PLEKHS1: variants seen among roughly 807,000 people sequenced by gnomAD.
PLEKHS1 encodes the protein pleckstrin homology domain-containing family S member 1.
PLEKHS1 carries 55 observed loss-of-function variants against 51.0 expected under a neutral mutation model. That is an observed-to-expected ratio of 1.08 (90% CI 0.87 to 1.35). The LOEUF (loss-of-function observed/expected upper bound fraction) is 1.35, where lower values mean the gene tolerates loss of function less well. Ranked by LOEUF, PLEKHS1 falls within the 40% of genes most tolerant of loss-of-function variation. The pLI is 0.00. For missense variants in PLEKHS1, 398 were observed against 423.0 expected (o/e 0.94, Z 0.52); for synonymous variants, 153 against 144.8 (o/e 1.06, Z -0.41).
chr10:113,764,826 T>TA (rs1039129382), intron 2 of PLEKHS1: 1 of 152,538 alleles, frequency 6.6e-6, no homozygotes, highest in Non-Finnish European at 1.5e-5. Flanking sequence ...GCCATGCCTT[T>TA]AAGTGCACTA....
exon 11 of PLEKHS1, chr10:113,775,802 G>C (rs34024791): frequency 6.2e-7 from 1 of 1,612,780 alleles, no homozygotes; most frequent in Non-Finnish European, 8.5e-7. Context: ...GAAACTGAAC[G>C]TTTTCCTTTC....
chr10:113,773,690 TTAGG>T (rs1295243512), intron 8 of PLEKHS1, among the ~76,000 whole-genome samples: 1 of 152,176 alleles, frequency 6.6e-6, no homozygotes, highest in Non-Finnish European at 1.5e-5. Context: ...AACGGTGAAC[TTAGG>T]TAGGCCTTAG....
chr10:113,780,605 T>A, exon 12 of PLEKHS1: 1 of 1,613,014 alleles, frequency 6.2e-7, no homozygotes, highest in Non-Finnish European at 8.5e-7. Context: ...GTTTTAGAAA[T>A]TAAAGCTTAC....
chr10:113,762,365 C>CTTTTTTTTTTTTTTTTTTTTTTTTT lies in PLEKHS1; in HGVS notation c.29-4025_29-4024insTTTTTTTTTTTTTTTTTTTTTTTTT, dbSNP rs34457408. ...TCCTCTATTGACTTTAGATTTGTTC[C>CTTTTTTTTTTTTTTTTTTTTTTTTT]TTTTTTTTTTTTTTTTTTTTTCAGT... On this transcript the variant is annotated intron_variant, in intron 2 of 11. Coordinates refer to ENST00000361048, the Ensembl canonical transcript of PLEKHS1. Among the ~76,000 whole-genome samples, 39 of 61,788 alleles carry CTTTTTTTTTTTTTTTTTTTTTTTTT rather than the reference C, an allele frequency of 6.3e-4. 1 individual carries two copies. The highest frequency in any genetic ancestry group is 1.0e-3 in the East Asian group (2 of 1,982). 40.5% of individuals were successfully genotyped at this position (61,788 alleles called of 152,430 possible).
At chr10:113,774,796 T>G (rs1844570192) in intron 9 of PLEKHS1, 30 bp from the exon 10 acceptor site, 1 of 1,585,142 alleles carries the variant, frequency 6.3e-7, no homozygotes, top group African/African-American at 1.3e-5. Flanking sequence ...CATGCTAAAA[T>G]AGGGCTTGTT....
At chr10:113,777,407 C>T in intron 11 of PLEKHS1, 148 bp downstream of exon 12, 1 of 1,610,282 alleles carries the variant, frequency 6.2e-7, no homozygotes, top group Non-Finnish European at 8.5e-7. Context: ...AATGTGCTTT[C>T]AGGACTCTTT....
intron 6 of PLEKHS1, among the ~76,000 whole-genome samples, chr10:113,769,124 A>C (rs1211321576): frequency 1.3e-5 from 2 of 152,226 alleles, no homozygotes; most frequent in African/African-American, 4.8e-5. Flanking sequence ...TGTTAGAGGG[A>C]AGAAAAGTTA....
intron 2 of PLEKHS1, among the ~76,000 whole-genome samples, chr10:113,755,995 A>T (rs191514511): frequency 6.6e-6 from 1 of 152,224 alleles, no homozygotes; most frequent in Non-Finnish European, 1.5e-5. Context: ...GGGTAGCTCA[A>T]TGTATGGTAT....
chr10:113,755,559 C>T (rs1854071437), intron 2 of PLEKHS1, among the ~76,000 whole-genome samples: 1 of 152,210 alleles, frequency 6.6e-6, no homozygotes, highest in African/African-American at 2.4e-5. Flanking sequence ...CATATGCCAC[C>T]ATGCCTGCCT....
At chr10:113,767,290 A>G (rs1844205383) in intron 4 of PLEKHS1, 55 bp from the exon 5 acceptor site, 1 of 1,280,214 alleles carries the variant, frequency 7.8e-7, no homozygotes, top group Admixed American at 2.7e-5. Flanking sequence ...ATAAAATATT[A>G]GTTTTCTATT....
rs201994714 is a variant in PLEKHS1, at chr10:113,766,628, G to A, written c.134G>A (p.Arg45Gln). Residue 45 changes from arginine (R) to glutamine (Q), a missense_variant, in exon 4 of 12, where the codon CGG becomes CAG. Arg to Gln is a conservative substitution (Grantham distance 43). Transcript: ENST00000361048. ...ATTTTTCAGACCTCTTGGAAAAAGCGGTTTTTCATCCTGTCAAAGGCTGGG... is the reference window on the plus strand; with the variant it reads ...ATTTTTCAGACCTCTTGGAAAAAGCAGTTTTTCATCCTGTCAAAGGCTGGG... 1.6e-5 allele frequency: 26 copies of A among 1,608,868 alleles called. No homozygotes were observed. Among genetic ancestry groups the A allele is most frequent in the Middle Eastern group, 1.7e-4 (1 of 6,044 alleles).
At chr10:113,768,331 C>T (rs1253314602) in intron 5 of PLEKHS1, among the ~76,000 whole-genome samples, 2 of 152,086 alleles carry the variant, frequency 1.3e-5, no homozygotes, top group Non-Finnish European at 2.9e-5. Context: ...AATGCCAAAG[C>T]CAACATATGA....
intron 2 of PLEKHS1, among the ~76,000 whole-genome samples, chr10:113,757,321 T>C (rs146574477): frequency 1.9e-3 from 292 of 152,302 alleles, no homozygotes; most frequent in African/African-American, 6.7e-3. Context: ...ATATGAAACA[T>C]ATACAAGCAC....
Position 113,774,923 on chromosome 10 carries a change from C to T in PLEKHS1, c.877C>T (p.Gln293Ter). Residue 293 changes from glutamine to a stop codon, truncating the protein, a stop_gained, in exon 10 of 12, where the codon CAA becomes TAA. Coordinates refer to ENST00000361048, the Ensembl canonical transcript of PLEKHS1. LOFTEE classifies it high-confidence loss of function. ...GGATGGGGACCTCCACCTGCAAGAA[C>T]AAGGCTCAGGAATTGATTGGTGTCT... is the stretch of plus-strand genomic sequence containing the variant. 6.2e-7 allele frequency: 1 copy of T among 1,614,154 alleles called. No individual in the cohort carries two copies. The highest frequency in any genetic ancestry group is 8.5e-7 in the Non-Finnish European group (1 of 1,180,022).
intron 2 of PLEKHS1, among the ~76,000 whole-genome samples, chr10:113,756,807 G>A (rs1854135149): frequency 6.6e-6 from 1 of 152,030 alleles, no homozygotes; most frequent in African/African-American, 2.4e-5. Flanking sequence ...TGAGGCTGCA[G>A]AAAGGTGTTG....
At chr10:113,765,159 T>C (rs1844104516) in intron 2 of PLEKHS1, 1 of 434,388 alleles carries the variant, frequency 2.3e-6, no homozygotes, top group South Asian at 6.1e-5. Context: ...TGTTGTTTCC[T>C]GAATATCTTT....
chr10:113,757,742 T>C (rs1854191964), intron 2 of PLEKHS1, among the ~76,000 whole-genome samples: 1 of 152,358 alleles, frequency 6.6e-6, no homozygotes, highest in South Asian at 2.1e-4. Context: ...TTGATAACAT[T>C]TTATCCACAG....
At chr10:113,775,116 T>A in intron 10 of PLEKHS1, 81 bp downstream of exon 10, 1 of 1,270,716 alleles carries the variant, frequency 7.9e-7, no homozygotes, top group Non-Finnish European at 1.1e-6. Context: ...ACTTAGAATT[T>A]AAATTTTAAA....
chr10:113,780,518 A>G (rs1237844013), intron 11 of PLEKHS1, 84 bp from the exon 13 acceptor site: 1 of 1,302,518 alleles, frequency 7.7e-7, no homozygotes, highest in African/African-American at 1.5e-5. Context: ...CCAGCTCCCA[A>G]GGGTATGAAT....
Sources: allele counts gnomAD v4.1 joint callset (sites outside exome capture counted in the v4.1 genomes callset), GRCh38; gene constraint gnomAD v4.1.1; transcripts MANE v1.5; gene names NCBI Gene and HGNC (gene_info 2026-07-23, HGNC 2026-07-21).